Variants in LRFN2 observed in about 807,000 individuals in gnomAD.
LRFN2 encodes leucine rich repeat and fibronectin type III domain containing 2, also known as leucine-rich repeat and fibronectin type-III domain-containing protein 2.
LRFN2 carries 18 observed loss-of-function variants against 37.3 expected under a neutral mutation model. The observed-to-expected ratio is 0.48, with a 90% CI of 0.33 to 0.72. The LOEUF (loss-of-function observed/expected upper bound fraction) is 0.72. Among genes scored for constraint, LRFN2 ranks in the 30% least tolerant of loss-of-function variants. LRFN2 has a pLI of 0.02. For missense variants in LRFN2, 1,006 were observed against 1,060.7 expected (o/e 0.95, Z 0.72); for synonymous variants, 556 against 466.6 (o/e 1.19, Z -2.47).
At chr6:40,503,282 C>T (rs56320123) in intron 1 of LRFN2, among the ~76,000 whole-genome samples, 5,166 of 152,222 alleles carry the variant, frequency 0.034, 304 homozygotes, top group African/African-American at 0.12. Context: ...GCTGACAGAA[C>T]AGTCGGGAGG....
intron 1 of LRFN2, among the ~76,000 whole-genome samples, chr6:40,435,044 TATATATATAGAGAGAG>T (rs1373548911): frequency 1.1e-3 from 99 of 88,626 alleles, no homozygotes; most frequent in African/African-American, 4.4e-3. Flanking sequence ...TATATATATA[TATATATATAGAGAGAG>T]AGAGAGAGAG....
intron 1 of LRFN2, among the ~76,000 whole-genome samples, chr6:40,457,958 C>CA (rs1764268929): frequency 6.6e-6 from 1 of 152,188 alleles, no homozygotes; most frequent in Non-Finnish European, 1.5e-5. Context: ...GTTGTAGCTA[C>CA]AGGAGAATGA....
At chr6:40,466,501 G>A (rs979740666) in intron 1 of LRFN2, among the ~76,000 whole-genome samples, 4 of 151,704 alleles carry the variant, frequency 2.6e-5, no homozygotes, top group African/African-American at 9.8e-5. Flanking sequence ...GTAATGTCTA[G>A]TATAAGCAGG....
intron 1 of LRFN2, among the ~76,000 whole-genome samples, chr6:40,493,448 C>T (rs1209059170): frequency 6.6e-6 from 1 of 152,184 alleles, no homozygotes; most frequent in Non-Finnish European, 1.5e-5. Context: ...ACAGGATGAC[C>T]AGCTGGCTTT....
At chr6:40,476,359 C>G (rs111795651) in intron 1 of LRFN2, among the ~76,000 whole-genome samples, 3 of 152,252 alleles carry the variant, frequency 2.0e-5, no homozygotes, top group Non-Finnish European at 4.4e-5. Flanking sequence ...TAGAAATTCT[C>G]TTTGTATGAA....
intron 1 of LRFN2, among the ~76,000 whole-genome samples, chr6:40,504,662 G>T (rs1561883867): frequency 6.6e-6 from 1 of 152,146 alleles, no homozygotes; most frequent in Non-Finnish European, 1.5e-5. Flanking sequence ...CTCTTGAAGG[G>T]CTTGAACCTG....
At position 40,442,751 on chromosome 6, in the gene LRFN2, A is replaced by G. The variant is rs377196144; in HGVS notation, c.-18-9620T>C. Among the ~76,000 whole-genome samples the G allele has an allele frequency of 8.6e-5, 13 of 151,970 alleles. No homozygotes were observed. In the East Asian group the frequency reaches 2.5e-3, roughly 29 times the overall value. On this transcript the variant is annotated intron_variant, in intron 1 of 2. Coordinates refer to ENST00000338305, the MANE Select transcript of LRFN2 (RefSeq NM_020737.3). ...CCTGGGTCTGAGGCTGACATGAGCAATGTCCTCATGTTTCCTCACAGCCAC... is the reference window on the plus strand; with the variant it reads ...CCTGGGTCTGAGGCTGACATGAGCAGTGTCCTCATGTTTCCTCACAGCCAC...
At position 40,392,608 on chromosome 6, in the gene LRFN2, C is replaced by A; in HGVS notation, c.1705G>T (p.Ala569Ser). 1.9e-6 allele frequency: 3 copies of A among 1,610,066 alleles called. No individual in the cohort carries two copies. Among genetic ancestry groups the A allele is most frequent in the Non-Finnish European group, 2.5e-6 (3 of 1,179,942 alleles). Residue 569 changes from alanine (A) to serine (S), a missense_variant, in exon 3 of 3, where the codon GCA becomes TCA. Coordinates refer to ENST00000338305, the MANE Select transcript of LRFN2 (RefSeq NM_020737.3). This position sits in a 1 kb window ranked among gnomAD's most constrained non-coding sequence, Gnocchi z 4.7. Reference sequence around the variant, plus strand: ...GAGTACACATTGCTCACGGCCGCTGCCATCTTGCTGGGGGCCTCGTGGTTG... The same window carrying A: ...GAGTACACATTGCTCACGGCCGCTGACATCTTGCTGGGGGCCTCGTGGTTG... Reference protein sequence around the residue: ...VCNHEAPSKMAAAVSNVYSQT... With the variant: ...VCNHEAPSKMSAAVSNVYSQT...
intron 1 of LRFN2, among the ~76,000 whole-genome samples, chr6:40,585,665 G>A (rs528801541): frequency 6.6e-6 from 1 of 152,162 alleles, no homozygotes; most frequent in South Asian, 2.1e-4. Context: ...AGAACCTCTA[G>A]CCCTGGCCCC....
chr6:40,572,491 GAAA>G (rs1365539460), intron 1 of LRFN2, among the ~76,000 whole-genome samples: 2 of 152,158 alleles, frequency 1.3e-5, no homozygotes, highest in Non-Finnish European at 2.9e-5. Flanking sequence ...AAGTTAAAGA[GAAA>G]AAGTACCTTA....
At chr6:40,507,775 G>A (rs1043730240) in intron 1 of LRFN2, among the ~76,000 whole-genome samples, 3 of 152,130 alleles carry the variant, frequency 2.0e-5, no homozygotes, top group African/African-American at 2.4e-5. Context: ...GATTTGAAAC[G>A]ACCTACTCAC....
At chr6:40,498,983 C>A (rs549094393) in intron 1 of LRFN2, among the ~76,000 whole-genome samples, 2 of 152,336 alleles carry the variant, frequency 1.3e-5, no homozygotes, top group African/African-American at 2.4e-5. Flanking sequence ...AAGGCACACT[C>A]CCAAACACAG....
chr6:40,478,903 A>G (rs990029658), intron 1 of LRFN2, among the ~76,000 whole-genome samples: 1 of 152,226 alleles, frequency 6.6e-6, no homozygotes, highest in African/African-American at 2.4e-5. Flanking sequence ...AAATAAACTA[A>G]AGAAGTTAAA....
chr6:40,429,259 C>T (rs1246142673), intron 2 of LRFN2, among the ~76,000 whole-genome samples: 4 of 152,170 alleles, frequency 2.6e-5, no homozygotes, highest in African/African-American at 4.8e-5. Context: ...TACCCCAAGC[C>T]CTGTCCTCCT....
intron 2 of LRFN2, among the ~76,000 whole-genome samples, chr6:40,408,270 G>A (rs939371453): frequency 6.6e-6 from 1 of 152,154 alleles, no homozygotes; most frequent in African/African-American, 2.4e-5. Context: ...ATATCGCAAA[G>A]CCAATTCTAC....
intron 1 of LRFN2, among the ~76,000 whole-genome samples, chr6:40,537,073 G>A (rs1766462583): frequency 6.6e-6 from 1 of 152,218 alleles, no homozygotes; most frequent in South Asian, 2.1e-4. Context: ...GTACACGGCA[G>A]AGCTGGATTT....
In LRFN2 at chr6:40,432,280, A is replaced by T; in HGVS notation, c.834T>A (p.His278Gln). The change falls in exon 2 of 3, where the codon CAT becomes CAA. Residue 278 changes from histidine (H) to glutamine (Q), a missense_variant. His to Gln is a conservative substitution (Grantham distance 24, BLOSUM62 0). Transcript: ENST00000338305. ...PGGLKGRYFW[H>Q]VREEEFVCEP... ...CGCACACAAACTCCTCCTCACGCACATGCCAGAAGTAGCGACCCTTGAGGC... is the reference window on the plus strand; with the variant it reads ...CGCACACAAACTCCTCCTCACGCACTTGCCAGAAGTAGCGACCCTTGAGGC... The T allele has an allele frequency of 3.7e-6, 6 of 1,614,080 alleles. No homozygotes were observed. The highest frequency in any genetic ancestry group is 4.2e-6 in the Non-Finnish European group (5 of 1,180,040).
intron 1 of LRFN2, among the ~76,000 whole-genome samples, chr6:40,530,470 T>C (rs576666269): frequency 1.3e-5 from 2 of 152,292 alleles, no homozygotes; most frequent in East Asian, 1.9e-4. Flanking sequence ...GTGGTGGTGA[T>C]TGTCAAAATG....
chr6:40,427,738 C>T (rs1289649884), intron 2 of LRFN2, among the ~76,000 whole-genome samples: 1 of 152,202 alleles, frequency 6.6e-6, no homozygotes, highest in African/African-American at 2.4e-5. Context: ...AGAGTTTATT[C>T]CCTGAAAAGC....
Sources: allele counts gnomAD v4.1 joint callset (sites outside exome capture counted in the v4.1 genomes callset), GRCh38; gene constraint gnomAD v4.1.1; non-coding constraint Gnocchi (gnomAD v3.1); transcripts MANE v1.5; gene names NCBI Gene and HGNC (gene_info 2026-07-23, HGNC 2026-07-21).